CERKL: variants seen among roughly 807,000 people sequenced by gnomAD.
The protein encoded by CERKL is ceramide kinase-like protein.
A neutral mutation model predicts 63.4 loss-of-function variants in CERKL; 61 were observed. The ratio of observed to expected loss-of-function variants is 0.96; its 90% CI spans 0.78 to 1.19. The LOEUF (loss-of-function observed/expected upper bound fraction) is 1.19, where lower values mean the gene tolerates loss of function less well. CERKL is among the 50% of genes most tolerant of loss of function. The pLI, the probability that CERKL is intolerant of heterozygous loss-of-function variation, is 0.00. For missense variants in CERKL, 675 were observed against 655.5 expected, an observed-to-expected ratio of 1.03 and a Z score of -0.33; for synonymous variants, 250 against 230.5, an observed-to-expected ratio of 1.08 and a Z score of -0.77.
chr2:181,604,001 C>A lies in CERKL; in HGVS notation c.317G>T (p.Arg106Leu), dbSNP rs371438602. ...KDIFSVKLKR[R>L]CSVKQQRSGT... ...ACTTCTCTGCTGTTTAACAGAACAA[C>A]GCCGTTTCAGTTTCACAGAGAATAT... Residue 106 changes from arginine to leucine, a missense_variant, in exon 2 of 13, where the codon CGT becomes CTT. Physicochemically the swap from Arg to Leu is moderately radical, Grantham distance 102 (BLOSUM62 -2). Coordinates refer to ENST00000410087, the MANE Select transcript of CERKL (RefSeq NM_201548.5). 1 of 1,612,822 alleles carries A rather than the reference C, an allele frequency of 6.2e-7. No homozygotes were observed. Among genetic ancestry groups the A allele is most frequent in the Non-Finnish European group, 8.5e-7 (1 of 1,179,318 alleles).
chr2:181,616,206 A>ATTT lies in CERKL; in HGVS notation c.239-12130_239-12128dup, dbSNP rs35040208. On this transcript the variant is annotated intron_variant, in intron 1 of 12. Transcript: ENST00000410087. ...ATCAATGAAACAGTCAAAAATCTAAATTTTTTTTTTTTTTTTTTTTTTTTT... is the reference window on the plus strand; with the variant it reads ...ATCAATGAAACAGTCAAAAATCTAAATTTTTTTTTTTTTTTTTTTTTTTTTTTT... Among the ~76,000 whole-genome samples, 994 of 110,030 alleles carry ATTT rather than the reference A, an allele frequency of 9.0e-3. 19 individuals carry two copies. The highest frequency in any genetic ancestry group is 0.021 in the African/African-American group (545 of 25,826). 72.2% of individuals were successfully genotyped at this position (110,030 alleles called of 152,430 possible).
Position 181,648,157 on chromosome 2 carries a change from T to C in CERKL, c.238+8612A>G, listed in dbSNP as rs1186854014. 2.6e-5 allele frequency among the ~76,000 whole-genome samples: 4 copies of C among 152,242 alleles called. No homozygotes were observed. In the East Asian group the frequency reaches 5.8e-4, roughly 22 times the overall value. Reference sequence around the variant, plus strand: ...AACTTCCCAAATATTGGGGGAGATATAGACATCCAGATGAAGGAACCACAA... The same window carrying C: ...AACTTCCCAAATATTGGGGGAGATACAGACATCCAGATGAAGGAACCACAA... On this transcript the variant is annotated intron_variant, in intron 1 of 12. Transcript: ENST00000410087.
intron 2 of CERKL, among the ~76,000 whole-genome samples, chr2:181,588,788 T>C (rs1684868255): frequency 6.6e-6 from 1 of 152,172 alleles, no homozygotes; most frequent in Admixed American, 6.5e-5. Context: ...TTCTAACAAG[T>C]GTGAGGCGAT....
intron 10 of CERKL, among the ~76,000 whole-genome samples, chr2:181,545,442 A>G (rs1687682686): frequency 1.3e-5 from 2 of 152,240 alleles, no homozygotes; most frequent in Admixed American, 6.5e-5. Context: ...GCATCAAGCT[A>G]TAGAATGCAG....
At chr2:181,633,551 C>T (rs966770909) in intron 1 of CERKL, among the ~76,000 whole-genome samples, 2 of 152,036 alleles carry the variant, frequency 1.3e-5, no homozygotes, top group African/African-American at 4.8e-5. Context: ...TTTGTTTGTT[C>T]TTTGTTTTGT....
At chr2:181,577,133 T>C (rs970355330) in intron 2 of CERKL, among the ~76,000 whole-genome samples, 1 of 152,138 alleles carries the variant, frequency 6.6e-6, no homozygotes, top group Non-Finnish European at 1.5e-5. Flanking sequence ...GGGCCACATT[T>C]TGAGAACCAA....
rs1056712142 is a variant in CERKL at position 181,645,926 on chromosome 2, T to C, written c.238+10843A>G. Among the ~76,000 whole-genome samples the C allele has an allele frequency of 5.3e-5, 8 of 152,262 alleles. No homozygotes were observed. The South Asian group carries it at 1.2e-3, about 24-fold the overall frequency. On this transcript the variant is annotated intron_variant, in intron 1 of 12. Transcript: ENST00000410087. ...GAAAGGACAGAGATCAGAAATTATATAGTATACAAGGAGATAAATGCCACT... is the reference window on the plus strand; with the variant it reads ...GAAAGGACAGAGATCAGAAATTATACAGTATACAAGGAGATAAATGCCACT...
chr2:181,622,989 A>G (rs1403698592), intron 1 of CERKL, among the ~76,000 whole-genome samples: 3 of 152,172 alleles, frequency 2.0e-5, no homozygotes, highest in Admixed American at 6.5e-5. Flanking sequence ...AACTAAGACA[A>G]ATATCATTAT....
intron 1 of CERKL, among the ~76,000 whole-genome samples, chr2:181,636,722 T>C (rs1037084381): frequency 5.3e-5 from 8 of 152,214 alleles, no homozygotes; most frequent in Non-Finnish European, 1.2e-4. Context: ...TTTGTCTGTC[T>C]TGCTAACTCC....
intron 1 of CERKL, among the ~76,000 whole-genome samples, chr2:181,619,012 CCTA>C (rs1686335326): frequency 6.6e-6 from 1 of 152,144 alleles, no homozygotes; most frequent in African/African-American, 2.4e-5. Flanking sequence ...GCAACAAGTT[CCTA>C]CTACATCTGA....
intron 2 of CERKL, among the ~76,000 whole-genome samples, chr2:181,589,256 T>A (rs917274989): frequency 2.0e-5 from 3 of 152,216 alleles, no homozygotes; most frequent in African/African-American, 7.2e-5. Context: ...GTATGATGTA[T>A]AAAAACTACT....
At chr2:181,539,030 T>C in intron 12 of CERKL, 62 bp downstream of exon 12, 1 of 1,215,860 alleles carries the variant, frequency 8.2e-7, no homozygotes, top group Admixed American at 1.7e-5. Context: ...AAGAGAGCTT[T>C]CGTTGTAATA....
intron 2 of CERKL, among the ~76,000 whole-genome samples, chr2:181,600,111 C>T (rs756919655): frequency 1.3e-5 from 2 of 152,146 alleles, no homozygotes; most frequent in Non-Finnish European, 2.9e-5. Flanking sequence ...AATTAAGCTT[C>T]ATAAATGAAG....
intron 1 of CERKL, among the ~76,000 whole-genome samples, chr2:181,618,126 A>G (rs1254593534): frequency 1.3e-5 from 2 of 152,144 alleles, no homozygotes; most frequent in Non-Finnish European, 2.9e-5. Context: ...AGAGAGTGAG[A>G]AGGGGGTGGG....
intron 1 of CERKL, among the ~76,000 whole-genome samples, chr2:181,652,169 C>T (rs1261951722): frequency 7.3e-6 from 1 of 136,312 alleles, no homozygotes; most frequent in Non-Finnish European, 1.5e-5. Context: ...CATGCAGAAC[C>T]ACAAAAAAAA....
Position 181,547,889 on chromosome 2 carries a change from G to A in CERKL, c.1134-42C>T, listed in dbSNP as rs114503048. On this transcript the variant is annotated intron_variant, in intron 8 of 12. Transcript: ENST00000410087. Reference sequence around the variant, plus strand: ...AAAACAAAGACATAAAACAGATAACGCGCGCACAGACACACAGACACACAC... The same window carrying A: ...AAAACAAAGACATAAAACAGATAACACGCGCACAGACACACAGACACACAC... 2,439 of 1,244,066 alleles carry A rather than the reference G, an allele frequency of 2.0e-3. 43 individuals are homozygous for A. The African/African-American group carries it at 0.052, about 26-fold the overall frequency. 77.1% of individuals were successfully genotyped at this position (1,244,066 alleles called of 1,614,324 possible).
chr2:181,630,228 C>T (rs75952542), intron 1 of CERKL, among the ~76,000 whole-genome samples: 1 of 151,958 alleles, frequency 6.6e-6, no homozygotes, highest in African/African-American at 2.4e-5. Context: ...CCTGCCCCCC[C>T]AGAGTCGGGG....
rs1406414017 is a variant in CERKL, at chr2:181,604,095, A to T, written c.239-16T>A. On this transcript the variant is annotated splice_polypyrimidine_tract_variant and intron_variant, in intron 1 of 12. Transcript: ENST00000410087. ...TTAGAATCACCTGAAAAAAAAATAA[A>T]TTTTCCAATTAAAACCATTGTGTTT... is the stretch of plus-strand genomic sequence containing the variant. The T allele has an allele frequency of 7.6e-6, 12 of 1,575,938 alleles. No individual in the cohort carries two copies. Among genetic ancestry groups the T allele is most frequent in the Non-Finnish European group, 9.6e-6 (11 of 1,150,316 alleles).
chr2:181,574,597 C>T (rs1689043525), intron 2 of CERKL, among the ~76,000 whole-genome samples: 1 of 152,094 alleles, frequency 6.6e-6, no homozygotes, highest in South Asian at 2.1e-4. Flanking sequence ...CTTATCTCTT[C>T]GAACCCAGTT....
Sources: allele counts gnomAD v4.1 joint callset (sites outside exome capture counted in the v4.1 genomes callset), GRCh38; gene constraint gnomAD v4.1.1; transcripts MANE v1.5; gene names NCBI Gene and HGNC (gene_info 2026-07-23, HGNC 2026-07-21).